Variants in FRMPD3 observed in about 807,000 individuals in gnomAD.
The protein encoded by FRMPD3 is FERM and PDZ domain containing 3.
FRMPD3 carries 42 observed loss-of-function variants against 97.9 expected under a neutral mutation model. The observed-to-expected ratio is 0.43, with a 90% CI of 0.34 to 0.55. The LOEUF (loss-of-function observed/expected upper bound fraction) is 0.55, where lower values mean the gene tolerates loss of function less well. Ranked by LOEUF, FRMPD3 falls within the 20% of genes least tolerant of loss-of-function variation. The pLI, the probability that FRMPD3 is intolerant of heterozygous loss-of-function variation, is 0.03. For synonymous variants in FRMPD3, 577 were observed against 581.1 expected, an observed-to-expected ratio of 0.99 and a Z score of 0.10; for missense variants, 1,303 against 1,457.7, an observed-to-expected ratio of 0.89 and a Z score of 1.73.
At position 107,604,201 on chromosome X, in the gene FRMPD3, C is replaced by T. The variant is rs1307564192; in HGVS notation, c.*828C>T. The stretch of plus-strand genomic sequence containing the variant: ...CAGCCCAGCTCAGGGGCTGTTGCTG[C>T]AGGCATGAGGCTTCTCTCTCAACAT... On this transcript the variant is annotated 3_prime_UTR_variant, in exon 15 of 15. Coordinates refer to ENST00000683843, the MANE Select transcript of FRMPD3 (RefSeq NM_001388459.1). 2 of 102,346 alleles carry T rather than the reference C, an allele frequency of 2.0e-5. No individual in the cohort carries two copies. The highest frequency in any genetic ancestry group is 9.5e-4 in the South Asian group (2 of 2,105). The allele number at this position is 102,346 out of a possible 1,213,427, so 8.4% of individuals were successfully genotyped here.
At chrX:107,551,514 C>G (rs1921861342) in intron 6 of FRMPD3, among the ~76,000 whole-genome samples, 1 of 112,042 alleles carries the variant, frequency 8.9e-6, no homozygotes, top group Non-Finnish European at 1.9e-5. Context: ...TGAAGTTCTC[C>G]CACCTCACAT....
intron 1 of FRMPD3, among the ~76,000 whole-genome samples, chrX:107,508,262 T>G (rs1922081432): frequency 8.9e-6 from 1 of 112,257 alleles, no homozygotes; most frequent in South Asian, 3.8e-4. Flanking sequence ...ATTCTGTAGA[T>G]CTAAAGTCAT....
At chrX:107,470,468 C>T (rs1365805437) in intron 1 of FRMPD3, among the ~76,000 whole-genome samples, 5 of 112,422 alleles carry the variant, frequency 4.4e-5, no homozygotes, top group African/African-American at 1.6e-4. Flanking sequence ...TATTAGGTTG[C>T]TCCTCACAAC....
chrX:107,593,887 G>A (rs1291437657), intron 13 of FRMPD3, among the ~76,000 whole-genome samples: 1 of 109,770 alleles, frequency 9.1e-6, no homozygotes, highest in Non-Finnish European at 1.9e-5. Context: ...ATAAATTTTA[G>A]GATTTTTTTT....
In FRMPD3 at chrX:107,460,328, TTC is replaced by T. The variant is rs1298336084; in HGVS notation, c.-8+10327_-8+10328del. The stretch of plus-strand genomic sequence containing the variant: ...TATACATTTCTTCCTTCAGTAATTG[TTC>T]TCTTTATCATCCCACTTCTAACCTA... On this transcript the variant is annotated intron_variant, in intron 1 of 14. Transcript: ENST00000683843. Among the ~76,000 whole-genome samples the T allele has an allele frequency of 8.1e-5, 9 of 111,402 alleles. No individual in the cohort carries two copies. The Admixed American group carries it at 8.6e-4, about 11-fold the overall frequency.
intron 2 of FRMPD3, 22 bp downstream of exon 2, chrX:107,526,758 C>T: frequency 8.7e-7 from 1 of 1,152,451 alleles, no homozygotes; most frequent in Non-Finnish European, 1.2e-6. Flanking sequence ...TCAGAGTGTT[C>T]CCCTAGCCCT....
Position 107,602,067 on chromosome X carries a change from T to C in FRMPD3, c.4028T>C (p.Leu1343Pro). 1 of 1,199,062 alleles carries C rather than the reference T, an allele frequency of 8.3e-7. No individual in the cohort carries two copies. The change falls in exon 15 of 15, where the codon CTC (leucine) becomes CCC (proline). Residue 1343 changes from leucine to proline, a missense_variant. Leu to Pro is a moderately conservative substitution (Grantham distance 98, BLOSUM62 -3). Around this residue, in one of 3 missense-constraint regions of FRMPD3, gnomAD observed 764 missense variants for 820.2 expected, o/e 0.93. Coordinates refer to ENST00000683843, the MANE Select transcript of FRMPD3 (RefSeq NM_001388459.1). ...CCAGAGGCTGGCCCAGGCGTGAGCC[T>C]CAGCAGCCCCATCAATGTCCAGCGC... ...RQPEAGPGVS[L>P]SSPINVQRIR...
chrX:107,578,402 A>G (rs758010679), intron 13 of FRMPD3, among the ~76,000 whole-genome samples: 1 of 112,288 alleles, frequency 8.9e-6, no homozygotes, highest in East Asian at 2.8e-4. Flanking sequence ...CACTGAACAC[A>G]TTCCAACATG....
chrX:107,559,071 G>A (rs1325092947), intron 8 of FRMPD3, among the ~76,000 whole-genome samples: 1 of 105,488 alleles, frequency 9.5e-6, no homozygotes, highest in Non-Finnish European at 1.9e-5. Context: ...GAGTTCAAGT[G>A]ATTCTCCTGC....
At chrX:107,479,283 C>T (rs1050742425) in intron 1 of FRMPD3, among the ~76,000 whole-genome samples, 9 of 112,071 alleles carry the variant, frequency 8.0e-5, no homozygotes, top group Admixed American at 3.8e-4. Context: ...GAGAGTGGCT[C>T]CTGGCCACAT....
intron 12 of FRMPD3, among the ~76,000 whole-genome samples, chrX:107,569,440 A>G (rs776794478): frequency 1.1e-4 from 12 of 110,511 alleles, no homozygotes; most frequent in African/African-American, 3.0e-4. Context: ...AGAGGTGCTT[A>G]TATCAGCAAT....
At chrX:107,465,219 C>T (rs2147889480) in intron 1 of FRMPD3, among the ~76,000 whole-genome samples, 1 of 111,539 alleles carries the variant, frequency 9.0e-6, no homozygotes, top group East Asian at 2.8e-4. Flanking sequence ...CACCTATAAT[C>T]CCAGCACTTT....
In FRMPD3 at chrX:107,495,642, A is replaced by G. The variant is rs1034489292; in HGVS notation, c.-7-30940A>G. Among the ~76,000 whole-genome samples, 5 of 111,431 alleles carry G rather than the reference A, an allele frequency of 4.5e-5. No homozygotes were observed. The Admixed American group carries it at 4.8e-4, about 11-fold the overall frequency. ...TTGAGATAACATAGAAGATGAGCAG[A>G]TAAGAGGAATGAATGTGTGACTTCA... On this transcript the variant is annotated intron_variant, in intron 1 of 14. Coordinates refer to ENST00000683843, the MANE Select transcript of FRMPD3 (RefSeq NM_001388459.1).
chrX:107,496,324 AG>A (rs1921773219), intron 1 of FRMPD3, among the ~76,000 whole-genome samples: 1 of 111,192 alleles, frequency 9.0e-6, no homozygotes, highest in South Asian at 3.9e-4. Flanking sequence ...GAGTCAAAGA[AG>A]GTGGGTTGGA....
In FRMPD3 at chrX:107,545,874, C is replaced by T; in HGVS notation, c.402+33C>T. 7 of 1,078,292 alleles carry T rather than the reference C, an allele frequency of 6.5e-6. No individual in the cohort carries two copies. The East Asian group carries it at 2.1e-4, about 33-fold the overall frequency. The allele number at this position is 1,078,292 out of a possible 1,213,427, so 88.9% of individuals were successfully genotyped here. On this transcript the variant is annotated intron_variant, in intron 5 of 14. Transcript: ENST00000683843. ...TAGCTTTGGCTCCCTCTCCTCAGCC[C>T]CTGGCCATAATCTGCCTGGCTGTCA...
chrX:107,549,480 A>G (rs767935585), intron 5 of FRMPD3, among the ~76,000 whole-genome samples: 1 of 111,044 alleles, frequency 9.0e-6, no homozygotes, highest in South Asian at 3.9e-4. Context: ...CATCAGAGGT[A>G]TGGAGGTGTG....
intron 1 of FRMPD3, among the ~76,000 whole-genome samples, chrX:107,526,165 T>C (rs2147548819): frequency 8.9e-6 from 1 of 112,405 alleles, no homozygotes; most frequent in African/African-American, 3.2e-5. Flanking sequence ...TTACATTTCT[T>C]CCGCCACTTA....
chrX:107,546,367 G>T (rs996007188), intron 5 of FRMPD3, among the ~76,000 whole-genome samples: 1 of 111,909 alleles, frequency 8.9e-6, no homozygotes, highest in African/African-American at 3.3e-5. Flanking sequence ...GCACCAGAGG[G>T]GAGGCAAAAT....
At chrX:107,462,259 T>C (rs768687974) in intron 1 of FRMPD3, among the ~76,000 whole-genome samples, 7 of 112,013 alleles carry the variant, frequency 6.2e-5, no homozygotes, top group Non-Finnish European at 1.3e-4. Flanking sequence ...GATCCCACCA[T>C]CTCACATTAC....
Sources: gnomAD v4.1 joint callset for allele counts (sites outside exome capture counted in the v4.1 genomes callset) on GRCh38, gnomAD v4.1.1 for gene constraint, gnomAD v4.1.1 regional missense constraint, MANE v1.5 for transcripts, NCBI Gene and HGNC (gene_info 2026-07-23, HGNC 2026-07-21) for gene names.